Variants in TENM4 observed in about 807,000 individuals in gnomAD.
The protein encoded by TENM4 is teneurin transmembrane protein 4.
A neutral mutation model predicts 243.3 loss-of-function variants in TENM4; 82 were observed. The ratio of observed to expected loss-of-function variants is 0.34; its 90% CI spans 0.28 to 0.40. The LOEUF (loss-of-function observed/expected upper bound fraction) is 0.40, where lower values mean the gene tolerates loss of function less well. Among genes scored for constraint, TENM4 ranks in the 10% least tolerant of loss-of-function variants. The pLI, the probability that TENM4 is intolerant of heterozygous loss-of-function variation, is 1.00. For synonymous variants in TENM4, 1,412 were observed against 1,456.3 expected (o/e 0.97, Z 0.69); for missense variants, 3,138 against 3,673.3 (o/e 0.85, Z 3.77).
intron 6 of TENM4, among the ~76,000 whole-genome samples, chr11:79,023,042 T>C (rs974802883): frequency 6.6e-6 from 1 of 152,212 alleles, no homozygotes; most frequent in Non-Finnish European, 1.5e-5. Context: ...AGATTACTGC[T>C]TGAATTATTA....
At chr11:79,431,872 T>C (rs972248225) in intron 1 of TENM4, among the ~76,000 whole-genome samples, 3 of 152,146 alleles carry the variant, frequency 2.0e-5, no homozygotes, top group Admixed American at 6.5e-5. Context: ...AGCTATTGTT[T>C]TAGGAAATTT....
chr11:79,174,246 A>G (rs1863112305), intron 3 of TENM4, among the ~76,000 whole-genome samples: 1 of 151,646 alleles, frequency 6.6e-6, no homozygotes, highest in Non-Finnish European at 1.5e-5. Context: ...CTCTGCTGGG[A>G]GGGGTTTGCA....
intron 4 of TENM4, among the ~76,000 whole-genome samples, chr11:79,138,382 A>C (rs1240504541): frequency 8.2e-6 from 1 of 122,026 alleles, no homozygotes; most frequent in Non-Finnish European, 1.6e-5. Flanking sequence ...TATAATATAT[A>C]TTATATAATA....
At chr11:78,941,208 C>T (rs1025901944) in intron 6 of TENM4, among the ~76,000 whole-genome samples, 2 of 152,208 alleles carry the variant, frequency 1.3e-5, no homozygotes, top group Admixed American at 6.5e-5. Context: ...CTCTCTGAGC[C>T]TCGGTTGCCT....
intron 6 of TENM4, among the ~76,000 whole-genome samples, chr11:79,017,816 G>A (rs1858818617): frequency 6.6e-6 from 1 of 152,166 alleles, no homozygotes. Context: ...ATGGGCACAG[G>A]CCCTGTGTAC....
chr11:78,658,500 C>T lies in TENM4; in HGVS notation c.7868G>A (p.Gly2623Glu). 6.2e-7 allele frequency: 1 copy of T among 1,614,024 alleles called. No individual in the cohort carries two copies. The highest frequency in any genetic ancestry group is 8.5e-7 in the Non-Finnish European group (1 of 1,179,888). ...GATGGCCAGGTCACCTTCTGAAGGT[C>T]CTGGTTTCACAAAGTAATGGGTATC... ...GVDTHYFVKP[G>E]PSEGDLAILG... The change falls in exon 34 of 34, where the codon GGA becomes GAA. Residue 2623 changes from glycine (G) to glutamate (E), a missense_variant. This residue lies in a region of TENM4 where 2,467 missense variants were observed against 3,059.1 expected (regional missense o/e 0.81). Transcript: ENST00000278550.
chr11:78,903,958 C>A, intron 6 of TENM4: 8 of 414,388 alleles, frequency 1.9e-5, no homozygotes, highest in South Asian at 1.5e-4. Context: ...TGATAGGGCC[C>A]AGGAAACTGA....
intron 12 of TENM4, among the ~76,000 whole-genome samples, chr11:78,831,828 A>C (rs1383290802): frequency 6.6e-6 from 1 of 152,186 alleles, no homozygotes; most frequent in Non-Finnish European, 1.5e-5. Flanking sequence ...GTCTTTTGAG[A>C]CTGACAATAA....
chr11:79,131,198 C>T (rs1390070496), intron 4 of TENM4, among the ~76,000 whole-genome samples: 2 of 152,082 alleles, frequency 1.3e-5, no homozygotes. Flanking sequence ...GAGAATTCAT[C>T]GCAAAAAGAT....
At chr11:78,684,288 A>C (rs779936276) in intron 29 of TENM4, among the ~76,000 whole-genome samples, 3 of 152,178 alleles carry the variant, frequency 2.0e-5, no homozygotes, top group Non-Finnish European at 4.4e-5. Context: ...CAAATTCTTA[A>C]CCTTCCATGC....
intron 32 of TENM4, among the ~76,000 whole-genome samples, chr11:78,667,206 C>A (rs1175140069): frequency 6.6e-6 from 1 of 152,188 alleles, no homozygotes; most frequent in Non-Finnish European, 1.5e-5. Flanking sequence ...TTCATCACAC[C>A]TGTCCACCAC....
chr11:79,399,035 C>T (rs1166537488), intron 1 of TENM4, among the ~76,000 whole-genome samples: 1 of 152,164 alleles, frequency 6.6e-6, no homozygotes, highest in Non-Finnish European at 1.5e-5. Flanking sequence ...GGCTGCCATG[C>T]TTCATTACAA....
Position 78,736,479 on chromosome 11 carries a change from T to TGTGTGTGTGTGCGC in TENM4, c.2876+1971_2876+1972insGCGCACACACACAC, listed in dbSNP as rs796898751. ...GTGTGTGTGTGTGTGTGTGTGTGTG[T>TGTGTGTGTGTGCGC]GCGCGCGCGTGCATGTGAGTAGGGG... On this transcript the variant is annotated intron_variant, in intron 20 of 33. Transcript: ENST00000278550. 2.3e-4 allele frequency among the ~76,000 whole-genome samples: 23 copies of TGTGTGTGTGTGCGC among 99,402 alleles called. 1 individual carries two copies. Among genetic ancestry groups the TGTGTGTGTGTGCGC allele is most frequent in the African/African-American group, 6.2e-4 (21 of 33,892 alleles). 65.2% of individuals were successfully genotyped at this position (99,402 alleles called of 152,430 possible).
At chr11:79,424,485 T>A (rs1462178157) in intron 1 of TENM4, among the ~76,000 whole-genome samples, 1 of 152,094 alleles carries the variant, frequency 6.6e-6, no homozygotes, top group Non-Finnish European at 1.5e-5. Context: ...GCTGGATGCC[T>A]GTAGTCCTAG....
At chr11:78,734,649 T>G (rs1018546616) in intron 20 of TENM4, among the ~76,000 whole-genome samples, 6 of 152,074 alleles carry the variant, frequency 3.9e-5, no homozygotes, top group African/African-American at 1.4e-4. Flanking sequence ...GATGGAGAAC[T>G]CCTAACTATC....
At chr11:78,975,291 G>A (rs916571396) in intron 6 of TENM4, among the ~76,000 whole-genome samples, 10 of 151,952 alleles carry the variant, frequency 6.6e-5, no homozygotes, top group African/African-American at 2.4e-4. Context: ...CTCCAGAGGG[G>A]TGTGAGATGG....
At chr11:78,939,178 G>A (rs1856841694) in intron 6 of TENM4, among the ~76,000 whole-genome samples, 1 of 152,182 alleles carries the variant, frequency 6.6e-6, no homozygotes, top group South Asian at 2.1e-4. Context: ...GAACGGAGAT[G>A]AATTTTCCTG....
intron 9 of TENM4, 74 bp from the exon 10 acceptor site, chr11:78,863,206 G>T: frequency 7.1e-7 from 1 of 1,406,442 alleles, no homozygotes. Flanking sequence ...ATAAGGGAAA[G>T]GTGGGCAGGG....
chr11:79,437,791 C>T (rs1477889012), intron 1 of TENM4, among the ~76,000 whole-genome samples: 1 of 152,208 alleles, frequency 6.6e-6, no homozygotes, highest in Non-Finnish European at 1.5e-5. Flanking sequence ...CCCGCCCTGC[C>T]CGGGGAGCTA....
Sources: gnomAD v4.1 joint callset for allele counts (sites outside exome capture counted in the v4.1 genomes callset) on GRCh38, gnomAD v4.1.1 for gene constraint, gnomAD v4.1.1 regional missense constraint, MANE v1.5 for transcripts, NCBI Gene and HGNC (gene_info 2026-07-23, HGNC 2026-07-21) for gene names.